The following TDRD3 variants were observed in gnomAD, a reference collection of about 807,000 sequenced individuals.
The protein encoded by TDRD3 is tudor domain containing 3.
In TDRD3, 45 loss-of-function variants were observed where a neutral mutation model predicts 86.7. That is an observed-to-expected ratio of 0.52 (90% confidence interval 0.41 to 0.67). The LOEUF (loss-of-function observed/expected upper bound fraction) is 0.67, where lower values mean the gene tolerates loss of function less well. Among genes scored for constraint, TDRD3 ranks in the 30% least tolerant of loss-of-function variants. TDRD3 has a pLI of 0.00. For missense variants in TDRD3, 814 were observed against 889.0 expected (o/e 0.92, Z 1.07); for synonymous variants, 298 against 301.7 (o/e 0.99, Z 0.13).
intron 12 of TDRD3, among the ~76,000 whole-genome samples, chr13:60,545,415 G>A (rs1957917702): frequency 6.6e-6 from 1 of 152,090 alleles, no homozygotes; most frequent in Admixed American, 6.6e-5. Flanking sequence ...TAGGAAATTA[G>A]GGTCAACCCT....
intron 5 of TDRD3, among the ~76,000 whole-genome samples, chr13:60,467,741 C>T (rs1275887185): frequency 3.3e-5 from 5 of 152,194 alleles, no homozygotes; most frequent in Admixed American, 6.5e-5. Flanking sequence ...GACACACATA[C>T]GTGCAAGTAA....
chr13:60,571,257 A>G (rs1254405242), intron 13 of TDRD3, among the ~76,000 whole-genome samples: 1 of 152,240 alleles, frequency 6.6e-6, no homozygotes, highest in Admixed American at 6.5e-5. Flanking sequence ...GTAGAATGAA[A>G]TATCTCTTTG....
At chr13:60,552,593 G>A (rs918721292) in intron 12 of TDRD3, among the ~76,000 whole-genome samples, 1 of 152,226 alleles carries the variant, frequency 6.6e-6, no homozygotes, top group Non-Finnish European at 1.5e-5. Context: ...ACTAGGCAGT[G>A]CCCCAGTGGG....
Position 60,509,901 on chromosome 13 carries a change from A to G in TDRD3, c.997A>G (p.Met333Val). 4 of 1,613,638 alleles carry G rather than the reference A, an allele frequency of 2.5e-6. No homozygotes were observed. Among genetic ancestry groups the G allele is most frequent in the Non-Finnish European group, 3.4e-6 (4 of 1,179,598 alleles). The stretch of plus-strand genomic sequence containing the variant: ...TACAAGCAATAAACAGAAACCTGTT[A>G]TGGGTCCTCCTCTGAGAGGTATAAT... ...LLTSNKQKPVMGPPLRGRGKG... is the reference protein window; with the variant it reads ...LLTSNKQKPVVGPPLRGRGKG... The change falls in exon 9 of 14, where the codon ATG (methionine) becomes GTG (valine). Residue 333 changes from methionine to valine, a missense_variant. Coordinates refer to ENST00000377881, the MANE Select transcript of TDRD3 (RefSeq NM_001146070.2).
At chr13:60,501,482 T>G (rs1177327828) in intron 8 of TDRD3, among the ~76,000 whole-genome samples, 2 of 152,242 alleles carry the variant, frequency 1.3e-5, no homozygotes, top group African/African-American at 4.8e-5. Flanking sequence ...AGCATTGGAT[T>G]TGGATGGCTA....
intron 3 of TDRD3, among the ~76,000 whole-genome samples, chr13:60,446,086 T>C (rs1275095849): frequency 6.6e-6 from 1 of 152,226 alleles, no homozygotes; most frequent in African/African-American, 2.4e-5. Flanking sequence ...ACATTCTTAA[T>C]GCAAATGTAA....
chr13:60,459,436 CCAACACATATAATA>C (rs1285992258), intron 3 of TDRD3, among the ~76,000 whole-genome samples: 1 of 152,048 alleles, frequency 6.6e-6, no homozygotes, highest in Non-Finnish European at 1.5e-5. Flanking sequence ...TGAAATTTGG[CCAACACATATAATA>C]CAGCATTAGA....
chr13:60,423,550 CATT>C (rs1490305614), intron 1 of TDRD3, among the ~76,000 whole-genome samples: 2 of 152,118 alleles, frequency 1.3e-5, no homozygotes, highest in Admixed American at 6.5e-5. Context: ...ATAAGGAAAA[CATT>C]AATAACTTCC....
At chr13:60,473,349 A>T (rs765696209) in intron 5 of TDRD3, among the ~76,000 whole-genome samples, 5 of 152,252 alleles carry the variant, frequency 3.3e-5, no homozygotes, top group Non-Finnish European at 5.9e-5. Context: ...AATGGCAATT[A>T]CATTTCAATA....
At chr13:60,522,155 A>C (rs1957302388) in intron 10 of TDRD3, among the ~76,000 whole-genome samples, 1 of 152,172 alleles carries the variant, frequency 6.6e-6, no homozygotes, top group Non-Finnish European at 1.5e-5. Flanking sequence ...AGTGAAAAAC[A>C]GTATTAGAGT....
chr13:60,550,961 A>G (rs1229907998), intron 12 of TDRD3, among the ~76,000 whole-genome samples: 1 of 152,156 alleles, frequency 6.6e-6, no homozygotes, highest in African/African-American at 2.4e-5. Flanking sequence ...CCATTTCAGG[A>G]TAGCTCTTTC....
intron 1 of TDRD3, 129 bp downstream of exon 1, chr13:60,397,534 G>A (rs1036028728): frequency 5.9e-6 from 4 of 678,838 alleles, no homozygotes; most frequent in African/African-American, 5.7e-5. Context: ...CCTCTCCCCG[G>A]GCCCTTCGGG....
intron 8 of TDRD3, among the ~76,000 whole-genome samples, chr13:60,503,533 C>T (rs1956876931): frequency 6.6e-6 from 1 of 152,118 alleles, no homozygotes; most frequent in African/African-American, 2.4e-5. Flanking sequence ...AAGAAGATTG[C>T]ACATCATTTC....
intron 12 of TDRD3, among the ~76,000 whole-genome samples, chr13:60,541,716 C>CTT (rs71199007): frequency 0.037 from 1,504 of 40,926 alleles, 349 homozygotes; most frequent in African/African-American, 0.047. Context: ...TCAGCATAGT[C>CTT]TTTTTTTTTT....
At chr13:60,547,205 A>G (rs1957958010) in intron 12 of TDRD3, 1 of 981,678 alleles carries the variant, frequency 1.0e-6, no homozygotes, top group Non-Finnish European at 1.2e-6. Flanking sequence ...AAAAAATCTC[A>G]TGACATTGTT....
intron 12 of TDRD3, among the ~76,000 whole-genome samples, chr13:60,562,883 ACTGG>A (rs1958368255): frequency 6.6e-6 from 1 of 151,954 alleles, no homozygotes; most frequent in Non-Finnish European, 1.5e-5. Flanking sequence ...ATAATGTATC[ACTGG>A]CTCTTCACAA....
chr13:60,400,789 T>A (rs1209438295), intron 1 of TDRD3, among the ~76,000 whole-genome samples: 1 of 151,028 alleles, frequency 6.6e-6, no homozygotes, highest in African/African-American at 2.4e-5. Flanking sequence ...ATAGCTTAAC[T>A]CTCTCTCTGT....
intron 1 of TDRD3, among the ~76,000 whole-genome samples, chr13:60,417,012 T>C (rs1338959528): frequency 2.6e-5 from 4 of 150,956 alleles, no homozygotes; most frequent in Non-Finnish European, 3.0e-5. Flanking sequence ...GATCAGTCTC[T>C]CTCTCTCTTT....
rs570460892 is a variant in TDRD3, at chr13:60,571,108, G to T, written c.*10-2508G>T. ...TGACATCAATAAAAAAAAATTGGTG[G>T]GGGACAGTGCCATGAGGTATCATTT... is the stretch of plus-strand genomic sequence containing the variant. On this transcript the variant is annotated intron_variant, in intron 13 of 13. Transcript: ENST00000377881. Among the ~76,000 whole-genome samples the T allele has an allele frequency of 7.2e-5, 11 of 152,122 alleles. No homozygotes were observed. In the South Asian group the frequency reaches 2.3e-3, roughly 32 times the overall value.
Sources: gnomAD v4.1 joint callset for allele counts (sites outside exome capture counted in the v4.1 genomes callset) on GRCh38, gnomAD v4.1.1 for gene constraint, MANE v1.5 for transcripts, NCBI Gene and HGNC (gene_info 2026-07-23, HGNC 2026-07-21) for gene names.